Variants in C2orf76 observed in about 807,000 individuals in gnomAD.
The protein encoded by C2orf76 is UPF0538 protein C2orf76.
Under a neutral mutation model 16.9 loss-of-function variants are expected in C2orf76, and 23 were observed. The ratio of observed to expected loss-of-function variants is 1.36; its 90% CI spans 0.98 to 1.93. The LOEUF (loss-of-function observed/expected upper bound fraction) is 1.93, where lower values mean the gene tolerates loss of function less well. C2orf76 is among the 30% of genes most tolerant of loss of function. C2orf76 has a pLI of 0.00. For synonymous variants in C2orf76, 48 were observed against 52.3 expected, an observed-to-expected ratio of 0.92 and a Z score of 0.35; for missense variants, 152 against 152.6, an observed-to-expected ratio of 1.00 and a Z score of 0.02.
At chr2:119,361,061 A>G (rs901779384) in intron 1 of C2orf76, among the ~76,000 whole-genome samples, 1 of 152,360 alleles carries the variant, frequency 6.6e-6, no homozygotes, top group African/African-American at 2.4e-5. Flanking sequence ...AAATGTATCA[A>G]TGTCAATGTA....
chr2:119,351,399 AC>A (rs1266346354), intron 1 of C2orf76, among the ~76,000 whole-genome samples: 2 of 152,208 alleles, frequency 1.3e-5, no homozygotes, highest in African/African-American at 4.8e-5. Flanking sequence ...AATGAAAAAA[AC>A]ATGGCAATAA....
intron 1 of C2orf76, among the ~76,000 whole-genome samples, chr2:119,365,823 C>G (rs1258343583): frequency 2.6e-5 from 4 of 152,136 alleles, no homozygotes; most frequent in Non-Finnish European, 5.9e-5. Context: ...CTCGCAAAGA[C>G]GTTCCCCTCC....
intron 1 of C2orf76, among the ~76,000 whole-genome samples, chr2:119,350,083 CA>C (rs1558795507): frequency 3.6e-4 from 47 of 131,326 alleles, no homozygotes; most frequent in South Asian, 2.8e-3. Context: ...CCCGCCCCCC[CA>C]CCGTCCCGCG....
the C2orf76 span, among the ~76,000 whole-genome samples, chr2:119,292,877 A>G: frequency 3.1e-3 from 478 of 152,220 alleles, 3 homozygotes; most frequent in African/African-American, 9.9e-3. Context: ...TCTACTAAAA[A>G]TACAAAAATT....
intron 2 of C2orf76, among the ~76,000 whole-genome samples, chr2:119,336,923 G>C (rs1171624577): frequency 1.3e-5 from 2 of 152,114 alleles, no homozygotes; most frequent in East Asian, 3.9e-4. Flanking sequence ...TGAGGCAGTA[G>C]AGAAGAATAA....
intron 5 of C2orf76, chr2:119,311,133 A>G (rs769587684): frequency 1.1e-5 from 11 of 984,088 alleles, no homozygotes; most frequent in African/African-American, 1.7e-5. Flanking sequence ...GGAAGGCCCA[A>G]TCAGGTACTT....
chr2:119,321,221 AT>A lies in C2orf76; in HGVS notation c.134-18del. On this transcript the variant is annotated intron_variant, in intron 2 of 5. Coordinates refer to ENST00000334816, the MANE Select transcript of C2orf76 (RefSeq NM_001322331.2). ...AAGGGATATCTACAAGAGAAAGATT[AT>A]TTTTTTACACAATAAGCAAATAGAC... is the stretch of plus-strand genomic sequence containing the variant. 13 of 1,317,352 alleles carry A rather than the reference AT, an allele frequency of 9.9e-6. No individual in the cohort carries two copies. Among genetic ancestry groups the A allele is most frequent in the East Asian group, 2.5e-5 (1 of 40,520 alleles). The allele number at this position is 1,317,352 out of a possible 1,614,324, so 81.6% of individuals were successfully genotyped here.
the C2orf76 span, among the ~76,000 whole-genome samples, chr2:119,281,180 T>C: frequency 5.9e-5 from 9 of 152,202 alleles, no homozygotes; most frequent in African/African-American, 2.2e-4. Context: ...ACAGGAAAAC[T>C]CATCTCATGG....
chr2:119,341,260 T>C (rs1351587060), intron 1 of C2orf76, among the ~76,000 whole-genome samples: 1 of 152,150 alleles, frequency 6.6e-6, no homozygotes, highest in Non-Finnish European at 1.5e-5. Context: ...CCTCCTGCCT[T>C]GGCCTCCGGA....
chr2:119,350,080 C>CT (rs1455423755), intron 1 of C2orf76, among the ~76,000 whole-genome samples: 2 of 129,534 alleles, frequency 1.5e-5, no homozygotes, highest in African/African-American at 3.0e-5. Flanking sequence ...CCCCCCGCCC[C>CT]CCCACCGTCC....
chr2:119,291,154 T>C, the C2orf76 span, among the ~76,000 whole-genome samples: 3 of 151,958 alleles, frequency 2.0e-5, no homozygotes, highest in Admixed American at 2.0e-4. Flanking sequence ...GCTCTGCTAA[T>C]ATGGCAGGAA....
At chr2:119,306,117 A>G (rs1678775011) in intron 5 of C2orf76, among the ~76,000 whole-genome samples, 1 of 152,206 alleles carries the variant, frequency 6.6e-6, no homozygotes. Context: ...CCGAGTAACC[A>G]GATTATCACT....
chr2:119,366,863 C>A, upstream of C2orf76: 1 of 741,880 alleles, frequency 1.3e-6, no homozygotes, highest in Non-Finnish European at 2.2e-6. Context: ...GCGGGGCTAG[C>A]GCCGCGGCGG....
At chr2:119,304,555 G>A (rs1047887714) in intron 5 of C2orf76, among the ~76,000 whole-genome samples, 5 of 152,204 alleles carry the variant, frequency 3.3e-5, no homozygotes, top group Non-Finnish European at 7.3e-5. Context: ...AGTCTGCAGT[G>A]TAAAGATTTT....
At chr2:119,350,094 G>GT in intron 1 of C2orf76, among the ~76,000 whole-genome samples, 1 of 46,310 alleles carries the variant, frequency 2.2e-5, no homozygotes, top group South Asian at 6.7e-4. Context: ...ACCGTCCCGC[G>GT]TAAGTGTTTG....
intron 1 of C2orf76, among the ~76,000 whole-genome samples, chr2:119,355,822 A>G (rs974749964): frequency 1.3e-5 from 2 of 152,200 alleles, no homozygotes; most frequent in African/African-American, 4.8e-5. Flanking sequence ...ACTCTACAAC[A>G]CCATCCACCG....
chr2:119,306,237 C>T (rs1305927485), intron 5 of C2orf76, among the ~76,000 whole-genome samples: 2 of 152,100 alleles, frequency 1.3e-5, no homozygotes, highest in East Asian at 1.9e-4. Context: ...GGGACTCACA[C>T]CTTAAGGAAA....
chr2:119,317,333 G>C, intron 4 of C2orf76, 133 bp downstream of exon 4: 1 of 538,076 alleles, frequency 1.9e-6, no homozygotes, highest in South Asian at 5.9e-5. Context: ...GCAGTAAAAA[G>C]GGTACCTACA....
chr2:119,294,845 C>T, the C2orf76 span, among the ~76,000 whole-genome samples: 2 of 152,104 alleles, frequency 1.3e-5, no homozygotes, highest in South Asian at 2.1e-4. Context: ...AGGCGGAGCG[C>T]GGCAGGGTTA....
Sources: gnomAD v4.1 joint callset for allele counts (sites outside exome capture counted in the v4.1 genomes callset) on GRCh38, gnomAD v4.1.1 for gene constraint, MANE v1.5 for transcripts, NCBI Gene and HGNC (gene_info 2026-07-23, HGNC 2026-07-21) for gene names.